Variants in MEIKIN observed in about 807,000 individuals in gnomAD.
MEIKIN encodes the protein meiosis-specific kinetochore protein.
intron 12 of MEIKIN, among the ~76,000 whole-genome samples, chr5:131,815,818 A>T (rs1773091074): frequency 6.6e-6 from 1 of 152,226 alleles, no homozygotes; most frequent in Non-Finnish European, 1.5e-5. Context: ...CATCAGAAAT[A>T]AAGTTTGTGT....
intron 8 of MEIKIN, among the ~76,000 whole-genome samples, chr5:131,888,430 T>C (rs1254654145): frequency 6.6e-6 from 1 of 152,126 alleles, no homozygotes; most frequent in Non-Finnish European, 1.5e-5. Context: ...TATCTCATTG[T>C]GGTTTCGATT....
chr5:131,877,819 T>G (rs1443092387), intron 9 of MEIKIN, among the ~76,000 whole-genome samples: 1 of 152,238 alleles, frequency 6.6e-6, no homozygotes, highest in Non-Finnish European at 1.5e-5. Flanking sequence ...TTCAGTTACC[T>G]GTGGTCAACC....
intron 8 of MEIKIN, among the ~76,000 whole-genome samples, chr5:131,884,867 A>G (rs1267656141): frequency 6.6e-6 from 1 of 152,160 alleles, no homozygotes; most frequent in Non-Finnish European, 1.5e-5. Context: ...TGGGCCTTAA[A>G]GGAACACTGG....
chr5:131,876,901 A>G (rs1355061968), intron 9 of MEIKIN, among the ~76,000 whole-genome samples: 1 of 151,826 alleles, frequency 6.6e-6, no homozygotes, highest in Non-Finnish European at 1.5e-5. Flanking sequence ...CAAGGACAAA[A>G]AACCAAACAC....
chr5:131,832,429 T>C (rs75382365), intron 11 of MEIKIN, among the ~76,000 whole-genome samples: 4,014 of 152,230 alleles, frequency 0.026, 185 homozygotes, highest in African/African-American at 0.091. Context: ...ACCTCCCTCC[T>C]GGATGCTTTC....
intron 8 of MEIKIN, among the ~76,000 whole-genome samples, chr5:131,883,704 C>G (rs975955267): frequency 2.6e-5 from 4 of 152,166 alleles, no homozygotes; most frequent in African/African-American, 4.8e-5. Flanking sequence ...AACCAAAATT[C>G]AGATGAGCAC....
intron 8 of MEIKIN, among the ~76,000 whole-genome samples, chr5:131,907,896 A>G (rs961714112): frequency 1.3e-5 from 2 of 151,930 alleles, no homozygotes; most frequent in African/African-American, 4.8e-5. Flanking sequence ...AATAAATCCA[A>G]AACCTGAACA....
At chr5:131,859,237 T>C (rs1204474943) in intron 9 of MEIKIN, among the ~76,000 whole-genome samples, 1 of 152,224 alleles carries the variant, frequency 6.6e-6, no homozygotes, top group Non-Finnish European at 1.5e-5. Context: ...TGGAATACTA[T>C]TCAGGTGTAA....
intron 5 of MEIKIN, among the ~76,000 whole-genome samples, chr5:131,928,934 A>G (rs1274437500): frequency 6.6e-6 from 1 of 152,184 alleles, no homozygotes; most frequent in Non-Finnish European, 1.5e-5. Flanking sequence ...GTTACTGTTT[A>G]GCATCCTTGA....
intron 8 of MEIKIN, among the ~76,000 whole-genome samples, chr5:131,879,422 G>T (rs2149628577): frequency 6.6e-6 from 1 of 151,936 alleles, no homozygotes; most frequent in South Asian, 2.1e-4. Flanking sequence ...AATTTCAATA[G>T]CTTTAGGGGT....
At chr5:131,814,542 G>A (rs1327507440) in intron 12 of MEIKIN, among the ~76,000 whole-genome samples, 4 of 152,012 alleles carry the variant, frequency 2.6e-5, no homozygotes, top group Non-Finnish European at 2.9e-5. Flanking sequence ...CTCCCAAAGC[G>A]GTGGGATTAC....
chr5:131,870,883 T>A (rs1434445979), intron 9 of MEIKIN, among the ~76,000 whole-genome samples: 1 of 152,180 alleles, frequency 6.6e-6, no homozygotes, highest in African/African-American at 2.4e-5. Flanking sequence ...GCTCTCTAAT[T>A]CCTTACAGTG....
intron 10 of MEIKIN, among the ~76,000 whole-genome samples, chr5:131,852,401 T>C (rs1580872739): frequency 6.6e-6 from 1 of 152,164 alleles, no homozygotes. Flanking sequence ...TGTGAGCCAA[T>C]TGAACCTCTT....
At chr5:131,818,151 G>A (rs887520834) in intron 12 of MEIKIN, among the ~76,000 whole-genome samples, 6 of 152,090 alleles carry the variant, frequency 3.9e-5, no homozygotes, top group East Asian at 1.9e-4. Context: ...TTATAAAGTC[G>A]TAATGAAATA....
At position 131,868,496 on chromosome 5, in the gene MEIKIN, G is replaced by C. The variant is rs148324228; in HGVS notation, c.774+10482C>G. On this transcript the variant is annotated intron_variant, in intron 9 of 12. Coordinates refer to ENST00000442687, the MANE Select transcript of MEIKIN (RefSeq NM_001303622.2). ...CTTCTTTAGTGAGGTGTCTGTTCAG[G>C]TCTTTGGCCCATTTTTCACTGGGTT... Among the ~76,000 whole-genome samples, 254 of 152,242 alleles carry C rather than the reference G, an allele frequency of 1.7e-3. 1 individual carries two copies. The highest frequency in any genetic ancestry group is 5.6e-3 in the African/African-American group (233 of 41,548).
intron 6 of MEIKIN, among the ~76,000 whole-genome samples, chr5:131,921,505 A>G (rs924571849): frequency 7.2e-5 from 11 of 152,248 alleles, no homozygotes; most frequent in Non-Finnish European, 4.4e-5. Flanking sequence ...AAAAATACAA[A>G]AATTAACTAG....
chr5:131,883,356 GAACT>G (rs923064699), intron 8 of MEIKIN, among the ~76,000 whole-genome samples: 1 of 152,122 alleles, frequency 6.6e-6, no homozygotes, highest in African/African-American at 2.4e-5. Context: ...TAGAATCTAG[GAACT>G]AACTTTGAAA....
chr5:131,865,419 C>T (rs963375338), intron 9 of MEIKIN, among the ~76,000 whole-genome samples: 1 of 152,150 alleles, frequency 6.6e-6, no homozygotes, highest in African/African-American at 2.4e-5. Context: ...CAGGGTTTCA[C>T]CATGTTAGCC....
At chr5:131,869,028 G>C (rs1231618302) in intron 9 of MEIKIN, among the ~76,000 whole-genome samples, 1 of 152,012 alleles carries the variant, frequency 6.6e-6, no homozygotes, top group Non-Finnish European at 1.5e-5. Context: ...TGTGCCTTTG[G>C]TATTGTATCT....
Sources: gnomAD v4.1 joint callset for allele counts (sites outside exome capture counted in the v4.1 genomes callset) on GRCh38, gnomAD v4.1.1 for gene constraint, MANE v1.5 for transcripts, NCBI Gene and HGNC (gene_info 2026-07-23, HGNC 2026-07-21) for gene names.